CTNNA2: variants seen among roughly 807,000 people sequenced by gnomAD.
The protein encoded by CTNNA2 is catenin alpha-2.
Under a neutral mutation model 101.0 loss-of-function variants are expected in CTNNA2, and 42 were observed. The ratio of observed to expected loss-of-function variants is 0.42; its 90% CI spans 0.32 to 0.54. The LOEUF (loss-of-function observed/expected upper bound fraction) is 0.54, where lower values mean the gene tolerates loss of function less well. CTNNA2 is among the 20% of genes least tolerant of loss of function. CTNNA2 has a pLI of 0.14. For synonymous variants in CTNNA2, 450 were observed against 456.4 expected (o/e 0.99, Z 0.18); for missense variants, 871 against 1,223.1 (o/e 0.71, Z 4.29).
chr2:79,392,753 T>C (rs1198759557), intron 4 of CTNNA2, among the ~76,000 whole-genome samples: 2 of 152,132 alleles, frequency 1.3e-5, no homozygotes, highest in Admixed American at 6.5e-5. Flanking sequence ...AACTTTCATG[T>C]TGACTTACAT....
At chr2:79,209,030 T>C (rs9678623) in intron 2 of CTNNA2, among the ~76,000 whole-genome samples, 23,944 of 152,068 alleles carry the variant, frequency 0.16, 2,104 homozygotes, top group Non-Finnish European at 0.18. Flanking sequence ...AGGATATTCA[T>C]GTAGGTTGGG....
chr2:79,316,604 A>G (rs1055101215), intron 3 of CTNNA2, among the ~76,000 whole-genome samples: 2 of 151,912 alleles, frequency 1.3e-5, no homozygotes, highest in Non-Finnish European at 2.9e-5. Flanking sequence ...ACAAGTTTTT[A>G]TAGTTTTCAG....
upstream of CTNNA2, among the ~76,000 whole-genome samples, chr2:79,509,090 CA>C (rs554715300): frequency 9.0e-5 from 13 of 145,078 alleles, no homozygotes; most frequent in South Asian, 1.3e-3. Flanking sequence ...TGGTACAAAA[CA>C]AAAAACTTAA....
At chr2:80,626,980 T>G (rs1671752549) in intron 18 of CTNNA2, among the ~76,000 whole-genome samples, 1 of 152,152 alleles carries the variant, frequency 6.6e-6, no homozygotes, top group African/African-American at 2.4e-5. Flanking sequence ...TTTCTGTTCT[T>G]GTGTTAGTTT....
intron 18 of CTNNA2, among the ~76,000 whole-genome samples, chr2:80,628,646 G>C (rs72926521): frequency 0.047 from 7,184 of 151,968 alleles, 563 homozygotes; most frequent in African/African-American, 0.16. Flanking sequence ...TAGTTGTTCC[G>C]CAAACAGTTT....
chr2:79,680,625 T>C (rs566395437), intron 2 of CTNNA2, among the ~76,000 whole-genome samples: 1 of 152,200 alleles, frequency 6.6e-6, no homozygotes, highest in Non-Finnish European at 1.5e-5. Flanking sequence ...CTAGGCCTCA[T>C]GGAGGCCATT....
At chr2:79,418,914 A>C (rs1423018414) in intron 4 of CTNNA2, among the ~76,000 whole-genome samples, 1 of 152,148 alleles carries the variant, frequency 6.6e-6, no homozygotes, top group Non-Finnish European at 1.5e-5. Flanking sequence ...CAGGTTATCA[A>C]TGAGATGATT....
intron 9 of CTNNA2, among the ~76,000 whole-genome samples, chr2:80,426,062 C>A (rs1020094219): frequency 1.3e-5 from 2 of 152,088 alleles, no homozygotes; most frequent in South Asian, 2.1e-4. Context: ...TAGGAAGTAT[C>A]ATCTGTAGAA....
In CTNNA2 at chr2:79,716,553, G is replaced by A. The variant is rs75511505; in HGVS notation, c.103-27834G>A. Among the ~76,000 whole-genome samples the A allele has an allele frequency of 6.2e-3, 938 of 152,278 alleles. 7 individuals carry two copies. Among genetic ancestry groups the A allele is most frequent in the African/African-American group, 0.02 (846 of 41,536 alleles). On this transcript the variant is annotated intron_variant, in intron 2 of 18. Coordinates refer to ENST00000402739, the MANE Select transcript of CTNNA2 (RefSeq NM_001282597.3). ...AGCTCCCACTGATAAGTGACAACAT[G>A]TGATGTTTGGTTTTCTGTTCCTGCA...
At chr2:79,799,382 A>T (rs1016659469) in intron 3 of CTNNA2, among the ~76,000 whole-genome samples, 11 of 152,114 alleles carry the variant, frequency 7.2e-5, no homozygotes, top group Non-Finnish European at 1.5e-4. Context: ...GCCTCCACAG[A>T]TGCAGACTGA....
chr2:80,417,066 G>A (rs1680105369), intron 8 of CTNNA2, among the ~76,000 whole-genome samples: 1 of 151,690 alleles, frequency 6.6e-6, no homozygotes, highest in East Asian at 1.9e-4. Context: ...AAATACCTTG[G>A]TTGATAATTA....
intron 4 of CTNNA2, among the ~76,000 whole-genome samples, chr2:79,467,408 A>C (rs1011733621): frequency 3.3e-5 from 5 of 152,354 alleles, no homozygotes; most frequent in African/African-American, 1.2e-4. Context: ...TGATTGGTGT[A>C]CCTGAAAGTG....
intron 7 of CTNNA2, among the ~76,000 whole-genome samples, chr2:80,009,802 A>G: frequency 6.6e-6 from 1 of 151,696 alleles, no homozygotes; most frequent in East Asian, 1.9e-4. Flanking sequence ...ACTCTCATCT[A>G]AGATTATTTA....
intron 1 of CTNNA2, among the ~76,000 whole-genome samples, chr2:79,642,842 G>A (rs1019758404): frequency 6.6e-6 from 1 of 150,678 alleles, no homozygotes; most frequent in African/African-American, 2.4e-5. Context: ...ACTCTCTTCA[G>A]CGCCAGAAAA....
intron 1 of CTNNA2, among the ~76,000 whole-genome samples, chr2:79,646,478 T>C (rs1680824280): frequency 6.6e-6 from 1 of 151,964 alleles, no homozygotes; most frequent in South Asian, 2.1e-4. Context: ...AGGTGGGCTG[T>C]ATTATTACCT....
At chr2:79,882,464 C>T (rs1683512307) in intron 6 of CTNNA2, among the ~76,000 whole-genome samples, 1 of 152,180 alleles carries the variant, frequency 6.6e-6, no homozygotes, top group Non-Finnish European at 1.5e-5. Context: ...ATGGGTCAGG[C>T]TCAGGCCTGA....
intron 1 of CTNNA2, among the ~76,000 whole-genome samples, chr2:79,519,157 A>T (rs1671964599): frequency 6.8e-6 from 1 of 146,346 alleles, no homozygotes; most frequent in African/African-American, 2.5e-5. Context: ...TGAACCCAGG[A>T]GGCGGAGGCT....
At chr2:79,232,420 T>A (rs747379419) in intron 2 of CTNNA2, among the ~76,000 whole-genome samples, 1 of 152,196 alleles carries the variant, frequency 6.6e-6, no homozygotes, top group Non-Finnish European at 1.5e-5. Flanking sequence ...ACTTGACCAC[T>A]GTGAATTAAC....
intron 4 of CTNNA2, among the ~76,000 whole-genome samples, chr2:79,429,207 G>C (rs562515975): frequency 1.3e-5 from 2 of 152,104 alleles, no homozygotes; most frequent in Non-Finnish European, 1.5e-5. Flanking sequence ...AACAATATGG[G>C]ATCTGTTAAG....
Sources: allele counts gnomAD v4.1 joint callset (sites outside exome capture counted in the v4.1 genomes callset), GRCh38; gene constraint gnomAD v4.1.1; transcripts MANE v1.5; gene names NCBI Gene and HGNC (gene_info 2026-07-23, HGNC 2026-07-21).